Variants in SERINC3 observed in about 807,000 individuals in gnomAD.
SERINC3 encodes serine incorporator 3.
SERINC3 carries 22 observed loss-of-function variants against 52.1 expected under a neutral mutation model. The observed-to-expected ratio is 0.42, with a 90% CI of 0.30 to 0.60. SERINC3 has a LOEUF of 0.60. Ranked by LOEUF, SERINC3 falls within the 20% of genes least tolerant of loss-of-function variation. The probability of loss-of-function intolerance (pLI) is 0.16; values close to 1 mark genes in which losing one functional copy is unlikely to be tolerated. For synonymous variants in SERINC3, 226 were observed against 212.7 expected (o/e 1.06, Z -0.54); for missense variants, 564 against 584.6 (o/e 0.96, Z 0.36).
chr20:44,521,986 G>A lies in SERINC3; in HGVS notation c.-35C>T, dbSNP rs1006368439. The A allele has an allele frequency of 3.1e-6, 5 of 1,594,630 alleles. No individual in the cohort carries two copies. The highest frequency in any genetic ancestry group is 1.3e-5 in the African/African-American group (1 of 74,492). On this transcript the variant is annotated 5_prime_UTR_variant, in exon 1 of 10. Transcript: ENST00000342374. ...AGTGATGGAGGTGGCCGGTCCTGAG[G>A]CTGCTTTCTAACACGGTGGTAACTG...
intron 3 of SERINC3, among the ~76,000 whole-genome samples, chr20:44,511,790 A>G (rs1405769962): frequency 1.3e-5 from 2 of 152,218 alleles, no homozygotes; most frequent in Non-Finnish European, 2.9e-5. Context: ...ACAGCTCATC[A>G]CTGGCACCTG....
At position 44,521,961 on chromosome 20, in the gene SERINC3, A is replaced by G. The variant is rs1335150724; in HGVS notation, c.-10T>C. On this transcript the variant is annotated 5_prime_UTR_variant, in exon 1 of 10. Coordinates refer to ENST00000342374, the MANE Select transcript of SERINC3 (RefSeq NM_006811.4). ...CCAGCACAGCCCCCATGGTGACGCC[A>G]GTGATGGAGGTGGCCGGTCCTGAGG... The G allele has an allele frequency of 6.2e-7, 1 of 1,609,806 alleles. No homozygotes were observed. Among genetic ancestry groups the G allele is most frequent in the Admixed American group, 1.7e-5 (1 of 59,390 alleles).
At chr20:44,514,815 C>A (rs558914032) in intron 1 of SERINC3, among the ~76,000 whole-genome samples, 2 of 152,174 alleles carry the variant, frequency 1.3e-5, no homozygotes, top group East Asian at 3.9e-4. Flanking sequence ...AACCCTCTGA[C>A]AAATAATAAC....
chr20:44,503,777 C>G (rs373880172), intron 8 of SERINC3, 38 bp downstream of exon 8: 2 of 1,447,062 alleles, frequency 1.4e-6, no homozygotes, highest in Non-Finnish European at 1.8e-6. Flanking sequence ...TATTATCAAC[C>G]TCCATGAAAA....
At position 44,511,300 on chromosome 20, in the gene SERINC3, TAG is replaced by T; in HGVS notation, c.462_463del (p.Tyr155PhefsTer33). On this transcript the variant is annotated frameshift_variant, in exon 4 of 10. Transcript: ENST00000342374. LOFTEE classifies it high-confidence loss of function. ...ATGGTGAACCCTACCTGAGCTGAAA[TAG>T]CCCCCAGGGATGTAGAAAGAGCCAA... 1 of 1,609,718 alleles carries T rather than the reference TAG, an allele frequency of 6.2e-7. No individual in the cohort carries two copies. The highest frequency in any genetic ancestry group is 8.5e-7 in the Non-Finnish European group (1 of 1,176,022).
At chr20:44,509,047 T>C (rs2064331648) in intron 5 of SERINC3, among the ~76,000 whole-genome samples, 1 of 152,284 alleles carries the variant, frequency 6.6e-6, no homozygotes, top group South Asian at 2.1e-4. Context: ...TTGACTCTTC[T>C]ATTTCTGGGA....
intron 5 of SERINC3, among the ~76,000 whole-genome samples, chr20:44,508,414 T>C (rs1359373836): frequency 6.6e-6 from 1 of 151,928 alleles, no homozygotes; most frequent in African/African-American, 2.4e-5. Context: ...GGTGGATAGC[T>C]TGAGCCAGGA....
At chr20:44,501,378 CACTT>C (rs1414025343) in intron 8 of SERINC3, 78 bp from the exon 9 acceptor site, 13 of 1,152,980 alleles carry the variant, frequency 1.1e-5, no homozygotes, top group Admixed American at 8.7e-5. Flanking sequence ...GTATACAAGA[CACTT>C]ACTGCTGAGC....
Position 44,512,877 on chromosome 20 carries a change from T to C in SERINC3, c.319A>G (p.Ile107Val), listed in dbSNP as rs2064357229. The part of the protein sequence containing the change: ...AVYRISFAMA[I>V]FFFVFSLLMF... ...AGCAGAGAAAAGACAAAGAAAAAGA[T>C]GGCCATGGCAAAGCTGATCCGATAC... The change falls in exon 3 of 10, where the codon ATC becomes GTC. Residue 107 changes from isoleucine to valine, a missense_variant. Coordinates refer to ENST00000342374, the MANE Select transcript of SERINC3 (RefSeq NM_006811.4). The C allele has an allele frequency of 4.4e-6, 7 of 1,575,674 alleles. No individual in the cohort carries two copies. The highest frequency in any genetic ancestry group is 6.0e-6 in the Non-Finnish European group (7 of 1,167,442).
rs199540220 is a variant in SERINC3 at position 44,506,865 on chromosome 20, C to T, written c.745G>A (p.Val249Ile). Reference sequence around the variant, plus strand: ...TGGATCGATATAATAGAAGCCACAACGCAAAGGATCAGGTTAATACTGATG... The same window carrying T: ...TGGATCGATATAATAGAAGCCACAATGCAAAGGATCAGGTTAATACTGATG... ...FFISINLILC[V>I]VASIISIHPK... The change falls in exon 6 of 10, where the codon GTT (valine) becomes ATT (isoleucine). Residue 249 changes from valine (V) to isoleucine (I), a missense_variant. Coordinates refer to ENST00000342374, the MANE Select transcript of SERINC3 (RefSeq NM_006811.4). 3.8e-4 allele frequency: 604 copies of T among 1,596,984 alleles called. 2 individuals carry two copies. In the East Asian group the frequency reaches 9.4e-3, roughly 25 times the overall value.
chr20:44,503,232 A>G (rs144649267), intron 8 of SERINC3, among the ~76,000 whole-genome samples: 108 of 152,334 alleles, frequency 7.1e-4, no homozygotes, highest in African/African-American at 2.5e-3. Context: ...TCCCAGCTAC[A>G]TATTTTTTTG....
rs759241638 is a variant in SERINC3, at chr20:44,504,906, G to T, written c.784-15C>A. On this transcript the variant is annotated splice_polypyrimidine_tract_variant and intron_variant, in intron 6 of 9. Transcript: ENST00000342374. ...GGCTGGTGTTCCTATGGAATCAAAAGGAAAACAGTGGCACAGGGACTGCCA... is the reference window on the plus strand; with the variant it reads ...GGCTGGTGTTCCTATGGAATCAAAATGAAAACAGTGGCACAGGGACTGCCA... 2 of 1,606,338 alleles carry T rather than the reference G, an allele frequency of 1.2e-6. No homozygotes were observed. Among genetic ancestry groups the T allele is most frequent in the Admixed American group, 3.3e-5 (2 of 59,912 alleles).
intron 1 of SERINC3, among the ~76,000 whole-genome samples, chr20:44,515,915 G>A (rs779239741): frequency 9.9e-5 from 15 of 151,964 alleles, no homozygotes; most frequent in African/African-American, 2.7e-4. Context: ...ACTGGCCACC[G>A]AAAGTGCTGG....
At position 44,511,311 on chromosome 20, in the gene SERINC3, G is replaced by A; in HGVS notation, c.453C>T (p.Ile151=). The A allele has an allele frequency of 1.2e-6, 2 of 1,612,246 alleles. No individual in the cohort carries two copies. Among genetic ancestry groups the A allele is most frequent in the South Asian group, 1.1e-5 (1 of 91,040 alleles). Residue 151 remains isoleucine (I), a synonymous_variant, in exon 4 of 10, where the codon ATC becomes ATT. Coordinates refer to ENST00000342374, the MANE Select transcript of SERINC3 (RefSeq NM_006811.4). The stretch of plus-strand genomic sequence containing the variant: ...TACCTGAGCTGAAATAGCCCCCAGG[G>A]ATGTAGAAAGAGCCAACCATGATTC... ...LIGIMVGSFY[I]PGGYFSSVWF...
rs1170787677 is a variant in SERINC3, at chr20:44,499,270, A to G, written c.*1026T>C. On this transcript the variant is annotated 3_prime_UTR_variant, in exon 10 of 10. Coordinates refer to ENST00000342374, the MANE Select transcript of SERINC3 (RefSeq NM_006811.4). ...ACCTCTCATGAAAATGGTTCTTGAC[A>G]ATGCCTTCCGTCTCTCATCTACCAA... The G allele has an allele frequency of 6.6e-6, 1 of 152,364 alleles. No homozygotes were observed. The highest frequency in any genetic ancestry group is 1.5e-5 in the Non-Finnish European group (1 of 68,044). 9.4% of individuals were successfully genotyped at this position (152,364 alleles called of 1,614,324 possible).
At chr20:44,510,207 A>T (rs1025021429) in intron 4 of SERINC3, among the ~76,000 whole-genome samples, 179 bp from the exon 5 acceptor site, 1 of 152,180 alleles carries the variant, frequency 6.6e-6, no homozygotes, top group East Asian at 1.9e-4. Context: ...TGGGTTTCAG[A>T]CCTTTTAAAA....
At chr20:44,513,127 T>C in intron 2 of SERINC3, 133 bp from the exon 3 acceptor site, 1 of 524,758 alleles carries the variant, frequency 1.9e-6, no homozygotes, top group East Asian at 3.4e-5. Context: ...ATTTTTCTCT[T>C]TGTCTTCCAA....
chr20:44,508,861 T>C (rs1273876102), intron 5 of SERINC3, among the ~76,000 whole-genome samples: 5 of 152,248 alleles, frequency 3.3e-5, no homozygotes, highest in African/African-American at 1.2e-4. Context: ...GGAAAATGGG[T>C]TGCAGATAGG....
In SERINC3 at chr20:44,497,895, T is replaced by A. The variant is rs1431251812; in HGVS notation, c.*2401A>T. 1 of 152,170 alleles carries A rather than the reference T, an allele frequency of 6.6e-6. No homozygotes were observed. The highest frequency in any genetic ancestry group is 2.4e-5 in the African/African-American group (1 of 41,430). The allele number at this position is 152,170 out of a possible 1,614,324, so 9.4% of individuals were successfully genotyped here. A position where few individuals can be genotyped will look rare whatever the true frequency, so the allele number is the denominator to read the frequency against. On this transcript the variant is annotated 3_prime_UTR_variant, in exon 10 of 10. Coordinates refer to ENST00000342374, the MANE Select transcript of SERINC3 (RefSeq NM_006811.4). ...TGTCTTATTTTAGCCCATAATGAGA[T>A]CAGCAGCTACTGTCAGTGCTATGTC...
Sources: allele counts gnomAD v4.1 joint callset (sites outside exome capture counted in the v4.1 genomes callset), GRCh38; gene constraint gnomAD v4.1.1; transcripts MANE v1.5; gene names NCBI Gene and HGNC (gene_info 2026-07-23, HGNC 2026-07-21).